The following MSI2 variants were observed in gnomAD, a reference collection of about 807,000 sequenced individuals.
The protein encoded by MSI2 is RNA-binding protein Musashi homolog 2.
In MSI2, 17 loss-of-function variants were observed where a neutral mutation model predicts 45.6. The ratio of observed to expected loss-of-function variants is 0.37; its 90% CI spans 0.26 to 0.56. The LOEUF is 0.56. MSI2 is among the 20% of genes least tolerant of loss of function. The pLI is 0.77. For missense variants in MSI2, 293 were observed against 444.2 expected, an observed-to-expected ratio of 0.66 and a Z score of 3.06; for synonymous variants, 156 against 158.2, an observed-to-expected ratio of 0.99 and a Z score of 0.11.
chr17:57,356,652 A>T lies in MSI2; in HGVS notation c.313-44727A>T, dbSNP rs184008343. On this transcript the variant is annotated intron_variant, in intron 5 of 13. Coordinates refer to ENST00000284073, the MANE Select transcript of MSI2 (RefSeq NM_138962.4). The stretch of plus-strand genomic sequence containing the variant: ...ACACAGATGGTTTTTATGTAAAAAA[A>T]TTTTTTTCAAATGTTAATTTCCAGT... Among the ~76,000 whole-genome samples, 9 of 152,170 alleles carry T rather than the reference A, an allele frequency of 5.9e-5. No individual in the cohort carries two copies. The East Asian group carries it at 7.7e-4, about 13-fold the overall frequency.
At chr17:57,450,006 C>T (rs2084967880) in intron 6 of MSI2, 1 of 152,068 alleles carries the variant, frequency 6.6e-6, no homozygotes, top group South Asian at 2.1e-4. Flanking sequence ...AGCCTGGCAA[C>T]AGAGTGAGAC....
intron 3 of MSI2, among the ~76,000 whole-genome samples, 155 bp downstream of exon 3, chr17:57,257,702 A>G (rs944681326): frequency 4.0e-5 from 6 of 151,828 alleles, no homozygotes; most frequent in African/African-American, 9.7e-5. Flanking sequence ...ACCGCCCCCT[A>G]GTAACCCCAG....
intron 8 of MSI2, among the ~76,000 whole-genome samples, chr17:57,615,454 T>C (rs1567937564): frequency 1.3e-5 from 2 of 152,148 alleles, no homozygotes; most frequent in Non-Finnish European, 2.9e-5. Context: ...TGATGCTCTG[T>C]TTTCTCATCT....
At position 57,682,316 on chromosome 17, in the gene MSI2, A is replaced by ATC. The variant is rs1913654622; in HGVS notation, c.*2800_*2801dup. 8.0e-6 allele frequency: 1 copy of ATC among 125,020 alleles called. No individual in the cohort carries two copies. The highest frequency in any genetic ancestry group is 1.1e-4 in the Admixed American group (1 of 9,006). The allele number at this position is 125,020 out of a possible 1,614,324, so 7.7% of individuals were successfully genotyped here. On this transcript the variant is annotated 3_prime_UTR_variant, in exon 14 of 14. Coordinates refer to ENST00000284073, the MANE Select transcript of MSI2 (RefSeq NM_138962.4). ...CGGCGGACTCTACGGCGTTTTGTAG[A>ATC]TCCCCCCCCCCCCACCCACTGTGAA...
chr17:57,378,416 A>G (rs1000382087), intron 5 of MSI2, among the ~76,000 whole-genome samples: 1 of 152,100 alleles, frequency 6.6e-6, no homozygotes, highest in Non-Finnish European at 1.5e-5. Flanking sequence ...GGCGAACGCC[A>G]CCACACCCAG....
chr17:57,651,674 G>A (rs1911159721), intron 10 of MSI2, among the ~76,000 whole-genome samples: 1 of 152,250 alleles, frequency 6.6e-6, no homozygotes, highest in African/African-American at 2.4e-5. Flanking sequence ...CCTCCTGCCT[G>A]TGGCACGGGG....
At chr17:57,408,166 G>T (rs577631582) in intron 6 of MSI2, among the ~76,000 whole-genome samples, 60 of 152,258 alleles carry the variant, frequency 3.9e-4, no homozygotes, top group African/African-American at 1.4e-3. Context: ...GCACCCTAAC[G>T]TTACTTCTCT....
intron 10 of MSI2, chr17:57,633,130 AT>A (rs1054845044): frequency 7.1e-5 from 73 of 1,025,122 alleles, no homozygotes; most frequent in East Asian, 1.3e-4. Flanking sequence ...ATGACGTTTT[AT>A]TTTTTTTCCC....
intron 5 of MSI2, among the ~76,000 whole-genome samples, chr17:57,346,344 A>AG (rs1915599788): frequency 1.0e-5 from 1 of 97,248 alleles, no homozygotes; most frequent in Non-Finnish European, 2.2e-5. Flanking sequence ...TAAATAACAC[A>AG]TTTTGGGGGG....
At chr17:57,293,276 C>T (rs143831928) in intron 5 of MSI2, among the ~76,000 whole-genome samples, 2 of 152,264 alleles carry the variant, frequency 1.3e-5, no homozygotes, top group East Asian at 3.9e-4. Flanking sequence ...CTTCACATGA[C>T]TTGTCCTGCT....
intron 10 of MSI2, among the ~76,000 whole-genome samples, chr17:57,640,971 C>T (rs1910202867): frequency 6.6e-6 from 1 of 152,226 alleles, no homozygotes. Context: ...ACCTTTTCAA[C>T]AAGGGCTAGA....
At chr17:57,585,853 C>T (rs979995085) in intron 7 of MSI2, among the ~76,000 whole-genome samples, 3 of 152,244 alleles carry the variant, frequency 2.0e-5, no homozygotes, top group Non-Finnish European at 2.9e-5. Context: ...AGAGCAGATG[C>T]GGAGGCGGCA....
chr17:57,509,872 A>T (rs2086314258), intron 6 of MSI2, among the ~76,000 whole-genome samples: 1 of 152,066 alleles, frequency 6.6e-6, no homozygotes, highest in South Asian at 2.1e-4. Context: ...CTTTACGATT[A>T]GTGTCATTCC....
At chr17:57,442,013 T>C (rs2084808213) in intron 6 of MSI2, among the ~76,000 whole-genome samples, 1 of 151,694 alleles carries the variant, frequency 6.6e-6, no homozygotes, top group Non-Finnish European at 1.5e-5. Context: ...TCCGCGTGGG[T>C]TCATGGTCCT....
chr17:57,380,639 C>G (rs960330410), intron 5 of MSI2, among the ~76,000 whole-genome samples: 5 of 152,196 alleles, frequency 3.3e-5, no homozygotes, highest in African/African-American at 1.2e-4. Context: ...CCCCTACCCC[C>G]AAACAACCAA....
intron 7 of MSI2, among the ~76,000 whole-genome samples, chr17:57,579,422 G>A (rs911728118): frequency 2.0e-5 from 3 of 152,210 alleles, no homozygotes; most frequent in African/African-American, 7.2e-5. Context: ...CCCAGGTCTT[G>A]CCTCCTTGCC....
intron 12 of MSI2, among the ~76,000 whole-genome samples, chr17:57,676,699 A>G (rs1013144058): frequency 3.3e-5 from 5 of 152,168 alleles, no homozygotes; most frequent in Non-Finnish European, 5.9e-5. Flanking sequence ...CATGCCCATC[A>G]CTGGGGGCAC....
intron 5 of MSI2, among the ~76,000 whole-genome samples, chr17:57,328,280 A>ATACG (rs991600767): frequency 6.0e-5 from 9 of 150,282 alleles, no homozygotes; most frequent in African/African-American, 2.2e-4. Flanking sequence ...CCATCCATCC[A>ATACG]TCCTTCATGC....
At chr17:57,661,985 G>A (rs1386566919) in intron 11 of MSI2, among the ~76,000 whole-genome samples, 2 of 152,142 alleles carry the variant, frequency 1.3e-5, no homozygotes. Context: ...ATGTGTCTGC[G>A]GGTGGCACCT....
Sources: gnomAD v4.1 joint callset for allele counts (sites outside exome capture counted in the v4.1 genomes callset) on GRCh38, gnomAD v4.1.1 for gene constraint, MANE v1.5 for transcripts, NCBI Gene and HGNC (gene_info 2026-07-23, HGNC 2026-07-21) for gene names.